FAM168A: variants seen among roughly 807,000 people sequenced by gnomAD.
The protein encoded by FAM168A is protein FAM168A.
FAM168A carries 3 observed loss-of-function variants against 28.5 expected under a neutral mutation model. The observed-to-expected ratio is 0.11, with a 90% CI of 0.05 to 0.27. FAM168A has a LOEUF of 0.27. Ranked by LOEUF, FAM168A falls within the 10% of genes least tolerant of loss-of-function variation. The pLI is 1.00. For synonymous variants in FAM168A, 122 were observed against 124.2 expected (o/e 0.98, Z 0.12); for missense variants, 222 against 311.5 (o/e 0.71, Z 2.16).
At chr11:73,498,443 C>CG (rs1025376709) in intron 1 of FAM168A, among the ~76,000 whole-genome samples, 2 of 152,198 alleles carry the variant, frequency 1.3e-5, no homozygotes, top group African/African-American at 4.8e-5. Flanking sequence ...ACCCATGCCA[C>CG]TGGGACACAC....
chr11:73,494,808 T>C lies in FAM168A; in HGVS notation c.-18-26316A>G, dbSNP rs368054927. On this transcript the variant is annotated intron_variant, in intron 1 of 7. Transcript: ENST00000356467. ...TGAAGTCAGGAGTTCAAGACCAGCC[T>C]GGCCAACATGGCGAAACCCCATCTC... Among the ~76,000 whole-genome samples, 26 of 152,248 alleles carry C rather than the reference T, an allele frequency of 1.7e-4. No homozygotes were observed. In the East Asian group the frequency reaches 4.6e-3, roughly 27 times the overall value.
chr11:73,586,482 A>G (rs1007254450), intron 1 of FAM168A, among the ~76,000 whole-genome samples: 1 of 152,192 alleles, frequency 6.6e-6, no homozygotes, highest in African/African-American at 2.4e-5. Context: ...GGCCACATAC[A>G]CACAGAAAAA....
intron 1 of FAM168A, among the ~76,000 whole-genome samples, chr11:73,498,464 A>G (rs1486366138): frequency 4.6e-5 from 7 of 152,162 alleles, no homozygotes; most frequent in Non-Finnish European, 1.0e-4. Context: ...AGATTCTTAC[A>G]GCCTCTTAGC....
chr11:73,445,419 C>CTCTCTCTCTTTTTT (rs776745757), intron 2 of FAM168A, among the ~76,000 whole-genome samples: 9 of 50,434 alleles, frequency 1.8e-4, no homozygotes, highest in African/African-American at 6.4e-4. Context: ...AAAAATGTCT[C>CTCTCTCTCTTTTTT]TTTTTTTTTT....
In FAM168A at chr11:73,568,093, C is replaced by T. The variant is rs181138049; in HGVS notation, c.-19+29830G>A. ...GCCCTAGAAATCTACTAGACGTTGG[C>T]GGTACCTTTTAGATTGGAGAGAGGA... On this transcript the variant is annotated intron_variant, in intron 1 of 7. Coordinates refer to ENST00000356467, the MANE Select transcript of FAM168A (RefSeq NM_015159.3). Among the ~76,000 whole-genome samples, 344 of 152,236 alleles carry T rather than the reference C, an allele frequency of 2.3e-3. 2 individuals are homozygous for T. The highest frequency in any genetic ancestry group is 7.8e-3 in the African/African-American group (325 of 41,526).
At chr11:73,545,741 G>C (rs1943742000) in intron 1 of FAM168A, among the ~76,000 whole-genome samples, 1 of 139,910 alleles carries the variant, frequency 7.1e-6, no homozygotes, top group Admixed American at 7.5e-5. Context: ...CCAGGCTGGA[G>C]TGCAGTGGTG....
chr11:73,503,649 T>C (rs1441415799), intron 1 of FAM168A, among the ~76,000 whole-genome samples: 2 of 152,164 alleles, frequency 1.3e-5, no homozygotes, highest in East Asian at 3.9e-4. Flanking sequence ...AAAAAAACTA[T>C]TTTAAATTTC....
intron 1 of FAM168A, among the ~76,000 whole-genome samples, chr11:73,588,346 A>T (rs1159297125): frequency 1.3e-5 from 2 of 152,170 alleles, no homozygotes; most frequent in Non-Finnish European, 2.9e-5. Flanking sequence ...GTCTGATGAG[A>T]TGAGTGGTGA....
At position 73,401,124 on chromosome 11, in the gene FAM168A, TTC is replaced by T. The variant is rs1176946466; in HGVS notation, c.*5637_*5638del. The T allele has an allele frequency of 1.0e-4, 15 of 149,754 alleles. No homozygotes were observed. Among genetic ancestry groups the T allele is most frequent in the Admixed American group, 8.6e-4 (13 of 15,092 alleles). The allele number at this position is 149,754 out of a possible 1,614,324, so 9.3% of individuals were successfully genotyped here. A position where few individuals can be genotyped will look rare whatever the true frequency, so the allele number is the denominator to read the frequency against. On this transcript the variant is annotated 3_prime_UTR_variant, in exon 8 of 8. Coordinates refer to ENST00000356467, the MANE Select transcript of FAM168A (RefSeq NM_015159.3). ...TTATTATTATTATTTTAAATTTTAT[TTC>T]TTTTTAAAATGTGAGTTCCAATAAA...
At chr11:73,450,379 C>T (rs1246734161) in intron 2 of FAM168A, among the ~76,000 whole-genome samples, 1 of 152,148 alleles carries the variant, frequency 6.6e-6, no homozygotes, top group Non-Finnish European at 1.5e-5. Flanking sequence ...GTAAAAACAC[C>T]GATTTTGCTG....
intron 1 of FAM168A, among the ~76,000 whole-genome samples, chr11:73,493,310 C>A (rs113718771): frequency 2.7e-4 from 41 of 152,170 alleles, no homozygotes; most frequent in African/African-American, 9.6e-4. Flanking sequence ...ACAGGTAGCC[C>A]GTAGACCATA....
chr11:73,412,966 C>T (rs1218799604), intron 4 of FAM168A, among the ~76,000 whole-genome samples: 1 of 152,200 alleles, frequency 6.6e-6, no homozygotes, highest in Non-Finnish European at 1.5e-5. Context: ...CCTAATTTTT[C>T]ATGACAATTG....
intron 1 of FAM168A, among the ~76,000 whole-genome samples, chr11:73,468,759 C>T (rs1410245154): frequency 6.6e-6 from 1 of 152,224 alleles, no homozygotes. Context: ...CAGTGTTAGT[C>T]CCACTATCCC....
At chr11:73,511,169 A>G (rs1855216917) in intron 1 of FAM168A, among the ~76,000 whole-genome samples, 2 of 151,928 alleles carry the variant, frequency 1.3e-5, no homozygotes, top group African/African-American at 2.4e-5. Flanking sequence ...GGCCTTCTCA[A>G]TTGTCAGGTT....
At chr11:73,409,254 C>G (rs1205319201) in intron 6 of FAM168A, among the ~76,000 whole-genome samples, 2 of 152,184 alleles carry the variant, frequency 1.3e-5, no homozygotes, top group African/African-American at 2.4e-5. Flanking sequence ...TTCCCTCTTT[C>G]ACTTCTCTAG....
At chr11:73,464,289 A>G (rs990381719) in intron 2 of FAM168A, among the ~76,000 whole-genome samples, 5 of 151,326 alleles carry the variant, frequency 3.3e-5, no homozygotes, top group African/African-American at 1.2e-4. Flanking sequence ...CCAACAGGTG[A>G]TCCTTACAAA....
chr11:73,577,059 T>C (rs1163449234), intron 1 of FAM168A, among the ~76,000 whole-genome samples: 1 of 152,188 alleles, frequency 6.6e-6, no homozygotes, highest in Non-Finnish European at 1.5e-5. Context: ...ACAGCTAACC[T>C]GTGCTGAACC....
chr11:73,556,858 T>TAA (rs775556330), intron 1 of FAM168A, among the ~76,000 whole-genome samples: 7 of 141,590 alleles, frequency 4.9e-5, no homozygotes, highest in Admixed American at 2.8e-4. Flanking sequence ...CTGCCTCTAC[T>TAA]AAAAAAAAAA....
chr11:73,564,411 GATTC>G (rs1186019032), intron 1 of FAM168A, among the ~76,000 whole-genome samples: 3 of 152,130 alleles, frequency 2.0e-5, no homozygotes, highest in Non-Finnish European at 4.4e-5. Context: ...TTGGGGCAGT[GATTC>G]TCAAGTGCAG....
Sources: gnomAD v4.1 joint callset for allele counts (sites outside exome capture counted in the v4.1 genomes callset) on GRCh38, gnomAD v4.1.1 for gene constraint, MANE v1.5 for transcripts, NCBI Gene and HGNC (gene_info 2026-07-23, HGNC 2026-07-21) for gene names.